The following NXPH1 variants were observed in gnomAD, a reference collection of about 807,000 sequenced individuals.
The protein encoded by NXPH1 is neurexophilin-1.
In NXPH1, 5 loss-of-function variants were observed where a neutral mutation model predicts 23.7. The observed-to-expected ratio is 0.21, with a 90% CI of 0.11 to 0.44. The LOEUF is 0.44. Among genes scored for constraint, NXPH1 ranks in the 20% least tolerant of loss-of-function variants. The pLI is 0.99. For missense variants in NXPH1, 324 were observed against 321.6 expected (o/e 1.01, Z -0.06); for synonymous variants, 144 against 122.2 (o/e 1.18, Z -1.18).
chr7:8,724,994 G>A (rs1417638936), intron 2 of NXPH1, among the ~76,000 whole-genome samples: 1 of 152,178 alleles, frequency 6.6e-6, no homozygotes, highest in East Asian at 1.9e-4. Flanking sequence ...GGCAGTAACT[G>A]GTTAAGAGAT....
Position 8,752,724 on chromosome 7 carries a change from C to T in NXPH1, c.*955C>T, listed in dbSNP as rs1267079869. On this transcript the variant is annotated 3_prime_UTR_variant, in exon 3 of 3. Transcript: ENST00000405863. ...TATTTGAGCTGCTTATTAATATTAA[C>T]TTGTACTTGTCTCTCTGCTTGTTAT... 6.6e-6 allele frequency: 1 copy of T among 152,318 alleles called. No homozygotes were observed. Among genetic ancestry groups the T allele is most frequent in the African/African-American group, 2.4e-5 (1 of 41,358 alleles). The allele number at this position is 152,318 out of a possible 1,614,324, so 9.4% of individuals were successfully genotyped here.
At chr7:8,549,733 A>T (rs1222876441) in intron 2 of NXPH1, among the ~76,000 whole-genome samples, 1 of 151,612 alleles carries the variant, frequency 6.6e-6, no homozygotes. Flanking sequence ...TGTGTAACTA[A>T]TTAGCTAATT....
chr7:8,738,991 A>G (rs1454471814), intron 2 of NXPH1, among the ~76,000 whole-genome samples: 1 of 151,908 alleles, frequency 6.6e-6, no homozygotes, highest in African/African-American at 2.4e-5. Context: ...AAGCTCAAGC[A>G]TCCCAGGTCG....
At chr7:8,738,411 G>T (rs745345932) in intron 2 of NXPH1, among the ~76,000 whole-genome samples, 9 of 152,164 alleles carry the variant, frequency 5.9e-5, no homozygotes, top group Non-Finnish European at 1.2e-4. Context: ...TTTGCTGGAG[G>T]TCCACTCCAG....
intron 2 of NXPH1, among the ~76,000 whole-genome samples, chr7:8,600,870 A>G (rs1362774425): frequency 1.3e-5 from 2 of 152,112 alleles, no homozygotes; most frequent in African/African-American, 4.8e-5. Context: ...GGATTCAACC[A>G]ATCTTGGATC....
At chr7:8,643,491 A>G (rs1820349492) in intron 2 of NXPH1, among the ~76,000 whole-genome samples, 1 of 152,152 alleles carries the variant, frequency 6.6e-6, no homozygotes, top group Non-Finnish European at 1.5e-5. Context: ...GTTAGCCTTT[A>G]GAAATGTTCT....
Position 8,751,009 on chromosome 7 carries a change from T to C in NXPH1, c.56T>C (p.Val19Ala). The C allele has an allele frequency of 6.2e-7, 1 of 1,613,224 alleles. No individual in the cohort carries two copies. The highest frequency in any genetic ancestry group is 8.5e-7 in the Non-Finnish European group (1 of 1,179,274). The change falls in exon 3 of 3, where the codon GTC becomes GCC. Residue 19 changes from valine to alanine, a missense_variant and splice_region_variant. Transcript: ENST00000405863. This position sits in a 1 kb window ranked among gnomAD's most constrained non-coding sequence, Gnocchi z 4.5. ...GCCATTTTTCTCTTCTGTTTTCAGG[T>C]CACATGTGCCAATTTAACGAACGGT... ...LFLLQPTVYL[V>A]TCANLTNGGK...
intron 2 of NXPH1, among the ~76,000 whole-genome samples, chr7:8,537,830 A>C (rs1027546446): frequency 2.0e-5 from 3 of 151,862 alleles, no homozygotes; most frequent in African/African-American, 7.2e-5. Context: ...TTTTTCTCTG[A>C]GATGTTCAAA....
chr7:8,476,454 A>T (rs1233893612), intron 2 of NXPH1, among the ~76,000 whole-genome samples: 1 of 150,990 alleles, frequency 6.6e-6, no homozygotes, highest in Non-Finnish European at 1.5e-5. Context: ...GTTTAGACGC[A>T]ATTCATTTTT....
At chr7:8,672,090 G>C (rs111620663) in intron 2 of NXPH1, among the ~76,000 whole-genome samples, 3,034 of 152,132 alleles carry the variant, frequency 0.02, 56 homozygotes, top group Middle Eastern at 0.048. Flanking sequence ...CTGTGTAGAA[G>C]CTCTTTAGTT....
chr7:8,502,795 T>C (rs1817457685), intron 2 of NXPH1, among the ~76,000 whole-genome samples: 1 of 151,540 alleles, frequency 6.6e-6, no homozygotes, highest in Non-Finnish European at 1.5e-5. Flanking sequence ...TGGCAGAAGT[T>C]ACTGCAAGCC....
intron 2 of NXPH1, among the ~76,000 whole-genome samples, chr7:8,672,394 A>G (rs908838272): frequency 2.0e-5 from 3 of 152,114 alleles, no homozygotes; most frequent in African/African-American, 7.2e-5. Flanking sequence ...TGGGTGCAGC[A>G]CACCAGTATG....
At chr7:8,550,262 A>G (rs1818257539) in intron 2 of NXPH1, among the ~76,000 whole-genome samples, 1 of 151,602 alleles carries the variant, frequency 6.6e-6, no homozygotes, top group Non-Finnish European at 1.5e-5. Context: ...TAGTGATTCC[A>G]GAGGGAAGTG....
At chr7:8,625,739 A>C (rs1264743126) in intron 2 of NXPH1, among the ~76,000 whole-genome samples, 5 of 152,170 alleles carry the variant, frequency 3.3e-5, no homozygotes, top group African/African-American at 1.2e-4. Flanking sequence ...TATCACACAA[A>C]GAGATAAAGA....
At chr7:8,463,522 C>T (rs1230373247) in intron 2 of NXPH1, among the ~76,000 whole-genome samples, 1 of 151,872 alleles carries the variant, frequency 6.6e-6, no homozygotes, top group African/African-American at 2.4e-5. Flanking sequence ...TAGATATTTC[C>T]AAATTGCCAT....
At chr7:8,561,455 T>G (rs1818444638) in intron 2 of NXPH1, among the ~76,000 whole-genome samples, 2 of 151,424 alleles carry the variant, frequency 1.3e-5, no homozygotes, top group Admixed American at 6.6e-5. Context: ...GTAATTAGAA[T>G]AGTGTACCAA....
intron 2 of NXPH1, among the ~76,000 whole-genome samples, chr7:8,437,084 G>C (rs2128603574): frequency 6.6e-6 from 1 of 152,334 alleles, no homozygotes; most frequent in South Asian, 2.1e-4. Flanking sequence ...GGACGCCAGA[G>C]GGCGCTGCGC....
chr7:8,509,080 T>C (rs1817573726), intron 2 of NXPH1, among the ~76,000 whole-genome samples: 1 of 152,114 alleles, frequency 6.6e-6, no homozygotes, highest in Non-Finnish European at 1.5e-5. Context: ...GAAGTAAAAA[T>C]TCTAACACTT....
intron 2 of NXPH1, among the ~76,000 whole-genome samples, chr7:8,516,256 G>A (rs763924306): frequency 1.3e-5 from 2 of 151,922 alleles, no homozygotes; most frequent in Non-Finnish European, 2.9e-5. Flanking sequence ...TCCCGCCTCC[G>A]CAATTTCTCA....
Sources: gnomAD v4.1 joint callset for allele counts (sites outside exome capture counted in the v4.1 genomes callset) on GRCh38, gnomAD v4.1.1 for gene constraint, Gnocchi (gnomAD v3.1) non-coding constraint, MANE v1.5 for transcripts, NCBI Gene and HGNC (gene_info 2026-07-23, HGNC 2026-07-21) for gene names.